POLB: variants seen among roughly 807,000 people sequenced by gnomAD.
POLB encodes the protein DNA polymerase beta, also known as 5'-dRP lyase.
POLB carries 37 observed loss-of-function variants against 52.7 expected under a neutral mutation model. That is an observed-to-expected ratio of 0.70 (90% CI 0.54 to 0.92). POLB has a LOEUF of 0.92. Among genes scored for constraint, POLB ranks in the 40% least tolerant of loss-of-function variants. The pLI, the probability that POLB is intolerant of heterozygous loss-of-function variation, is 0.00. For synonymous variants in POLB, 138 were observed against 131.3 expected (o/e 1.05, Z -0.35); for missense variants, 313 against 400.8 (o/e 0.78, Z 1.87).
chr8:42,361,393 A>C (rs1312812195), intron 10 of POLB, 28 bp downstream of exon 10: 1 of 1,422,012 alleles, frequency 7.0e-7, no homozygotes, highest in South Asian at 1.1e-5. Context: ...ATCAATGGTG[A>C]TCAGTCTTAC....
intron 2 of POLB, among the ~76,000 whole-genome samples, chr8:42,344,234 T>C (rs1822453329): frequency 6.6e-6 from 1 of 150,496 alleles, no homozygotes; most frequent in Admixed American, 6.6e-5. Context: ...TTTGGGAGGC[T>C]GAGGCGGGTG....
At chr8:42,360,476 T>C (rs1748459280) in intron 9 of POLB, among the ~76,000 whole-genome samples, 1 of 152,294 alleles carries the variant, frequency 6.6e-6, no homozygotes, top group South Asian at 2.1e-4. Context: ...TGCTTTTACA[T>C]ATGTTCTTAT....
chr8:42,361,571 C>CT (rs1823691038), intron 10 of POLB: 4 of 543,746 alleles, frequency 7.4e-6, no homozygotes, highest in Non-Finnish European at 9.8e-6. Context: ...GGAGGACAGT[C>CT]TAACATTTGA....
chr8:42,343,251 G>A (rs534295306), intron 2 of POLB, among the ~76,000 whole-genome samples: 4 of 147,410 alleles, frequency 2.7e-5, no homozygotes, highest in Admixed American at 1.4e-4. Flanking sequence ...GAACCCGGGA[G>A]GCGGAGCTTG....
rs1413003920 is a variant in POLB at position 42,343,337 on chromosome 8, A to T, written c.120-1616A>T. ...ACTGCGTCTCAAAAAAAAAAAAAAA[A>T]AAAAAAAAATATATATATATATATA... On this transcript the variant is annotated intron_variant, in intron 2 of 13. Transcript: ENST00000265421. Among the ~76,000 whole-genome samples the T allele has an allele frequency of 8.2e-5, 4 of 48,588 alleles. No individual in the cohort carries two copies. The South Asian group carries it at 2.3e-3, about 28-fold the overall frequency. 31.9% of individuals were successfully genotyped at this position (48,588 alleles called of 152,430 possible).
At chr8:42,361,466 C>A in intron 10 of POLB, 101 bp downstream of exon 10, 2 of 861,976 alleles carry the variant, frequency 2.3e-6, no homozygotes, top group Non-Finnish European at 3.9e-6. Context: ...TTTGTTTTCG[C>A]CTTCCTGAAA....
intron 11 of POLB, among the ~76,000 whole-genome samples, chr8:42,363,421 G>A (rs1010297264): frequency 3.3e-5 from 5 of 150,394 alleles, no homozygotes; most frequent in Admixed American, 6.6e-5. Flanking sequence ...CCAGCTTTTC[G>A]GGAGGCTGAG....
At position 42,353,170 on chromosome 8, in the gene POLB, A is replaced by C. The variant is rs1303030953; in HGVS notation, c.370+602A>C. On this transcript the variant is annotated intron_variant, in intron 6 of 13. Coordinates refer to ENST00000265421, the MANE Select transcript of POLB (RefSeq NM_002690.3). ...TTTTTCAAATATCTAAATTGCCTTT[A>C]TTTCTTTTTTTTTTTTTTTGCTCTG... Among the ~76,000 whole-genome samples, 5 of 147,678 alleles carry C rather than the reference A, an allele frequency of 3.4e-5. No homozygotes were observed. The South Asian group carries it at 6.6e-4, about 20-fold the overall frequency.
rs146519145 is a variant in POLB, at chr8:42,342,233, A to G, written c.120-2720A>G. The G allele has an allele frequency of 5.5e-4, 850 of 1,545,210 alleles. 3 individuals carry two copies. In the East Asian group the frequency reaches 0.012, roughly 21 times the overall value. Reference sequence around the variant, plus strand: ...GGTGAAAGCACCTGGCTGACCATCAATGCTTTCTACATTGTATTATCGCCA... The same window carrying G: ...GGTGAAAGCACCTGGCTGACCATCAGTGCTTTCTACATTGTATTATCGCCA... On this transcript the variant is annotated intron_variant, in intron 2 of 13. Coordinates refer to ENST00000265421, the MANE Select transcript of POLB (RefSeq NM_002690.3).
chr8:42,359,390 T>C (rs891549523), intron 9 of POLB, among the ~76,000 whole-genome samples: 1 of 152,122 alleles, frequency 6.6e-6, no homozygotes, highest in Non-Finnish European at 1.5e-5. Flanking sequence ...GGTCCCTCTC[T>C]GTCACCCAGG....
At chr8:42,345,090 A>T in intron 3 of POLB, 71 bp downstream of exon 3, 1 of 952,992 alleles carries the variant, frequency 1.0e-6, no homozygotes, top group Middle Eastern at 2.1e-4. Context: ...ACCAAACCAA[A>T]CTTGCCTGTC....
chr8:42,349,698 A>C (rs1305961739), intron 4 of POLB, among the ~76,000 whole-genome samples: 1 of 152,156 alleles, frequency 6.6e-6, no homozygotes, highest in East Asian at 1.9e-4. Flanking sequence ...ATCTTTTAGA[A>C]TTTCTATGTT....
rs1823672309 is a variant in POLB at position 42,361,381 on chromosome 8, T to A, written c.621+16T>A. 6 of 1,510,576 alleles carry A rather than the reference T, an allele frequency of 4.0e-6. No individual in the cohort carries two copies. The East Asian group carries it at 1.4e-4, about 34-fold the overall frequency. 93.6% of individuals were successfully genotyped at this position (1,510,576 alleles called of 1,614,324 possible). A position where few individuals can be genotyped will look rare whatever the true frequency, so the allele number is the denominator to read the frequency against. ...AACCAAACAGGTGCCTCAGAGTTTA[T>A]AATCAATGGTGATCAGTCTTACACA... On this transcript the variant is annotated intron_variant, in intron 10 of 13. Coordinates refer to ENST00000265421, the MANE Select transcript of POLB (RefSeq NM_002690.3).
At chr8:42,349,640 G>A (rs1431288373) in intron 4 of POLB, among the ~76,000 whole-genome samples, 5 of 152,070 alleles carry the variant, frequency 3.3e-5, no homozygotes, top group African/African-American at 7.2e-5. Flanking sequence ...TGCCCGCCTC[G>A]GCCTCCCAAA....
Position 42,349,999 on chromosome 8 carries a change from T to C in POLB, c.262-8T>C. ...TAAATCATTGTTAGACTTTTTTTTT[T>C]CTTAAAGATTCGGCAGGATGATACG... On this transcript the variant is annotated splice_region_variant and splice_polypyrimidine_tract_variant and intron_variant, in intron 4 of 13. Transcript: ENST00000265421. The C allele has an allele frequency of 1.3e-6, 2 of 1,594,748 alleles. No individual in the cohort carries two copies. Among genetic ancestry groups the C allele is most frequent in the Non-Finnish European group, 8.6e-7 (1 of 1,162,648 alleles).
At chr8:42,364,200 T>C (rs781059774) in intron 11 of POLB, among the ~76,000 whole-genome samples, 1 of 152,084 alleles carries the variant, frequency 6.6e-6, no homozygotes, top group Non-Finnish European at 1.5e-5. Context: ...GTACTGGGAT[T>C]GCAGGCATGA....
intron 7 of POLB, among the ~76,000 whole-genome samples, chr8:42,356,719 T>G (rs762530389): frequency 4.6e-5 from 7 of 152,208 alleles, no homozygotes; most frequent in Non-Finnish European, 7.3e-5. Flanking sequence ...CTTTTGTGAC[T>G]GACTTCTTCC....
chr8:42,359,012 C>G (rs1823504201), intron 9 of POLB, among the ~76,000 whole-genome samples: 1 of 152,100 alleles, frequency 6.6e-6, no homozygotes, highest in African/African-American at 2.4e-5. Context: ...GCTATGACAG[C>G]CTTCCTGGAT....
Position 42,342,704 on chromosome 8 carries a change from T to C in POLB, c.120-2249T>C, listed in dbSNP as rs958370814. The C allele has an allele frequency of 5.3e-5, 24 of 455,252 alleles. No individual in the cohort carries two copies. The Admixed American group carries it at 8.1e-4, about 15-fold the overall frequency. 28.2% of individuals were successfully genotyped at this position (455,252 alleles called of 1,614,324 possible). A position where few individuals can be genotyped will look rare whatever the true frequency, so the allele number is the denominator to read the frequency against. ...AAAGGCGGGAGCAATTTTTAAAAAC[T>C]GATGTAGGGGCCAGGCACAGTGGCT... On this transcript the variant is annotated intron_variant, in intron 2 of 13. Coordinates refer to ENST00000265421, the MANE Select transcript of POLB (RefSeq NM_002690.3).
Sources: allele counts gnomAD v4.1 joint callset (sites outside exome capture counted in the v4.1 genomes callset), GRCh38; gene constraint gnomAD v4.1.1; transcripts MANE v1.5; gene names NCBI Gene and HGNC (gene_info 2026-07-23, HGNC 2026-07-21).